Variants in PCDH15 observed in about 807,000 individuals in gnomAD.
PCDH15 encodes the protein protocadherin-15.
In PCDH15, 129 loss-of-function variants were observed where a neutral mutation model predicts 178.5. The observed-to-expected ratio is 0.72, with a 90% CI of 0.63 to 0.84. PCDH15 has a LOEUF of 0.84. Ranked by LOEUF, PCDH15 falls within the 40% of genes least tolerant of loss-of-function variation. PCDH15 has a pLI of 0.00. For missense variants in PCDH15, 2,230 were observed against 2,099.9 expected (o/e 1.06, Z -1.21); for synonymous variants, 800 against 732.0 (o/e 1.09, Z -1.50).
Position 53,806,857 on chromosome 10 carries a change from C to T in PCDH15, c.4945G>A (p.Val1649Ile), listed in dbSNP as rs769769804. The T allele has an allele frequency of 1.3e-4, 204 of 1,613,690 alleles. 1 individual carries two copies. The highest frequency in any genetic ancestry group is 1.7e-4 in the Non-Finnish European group (200 of 1,179,840). ...CCCTTTGATAATGTGTTCAGAGGTA[C>T]ATTCTCCTCATGTGTCACTGCCAAC... ...DKLAVTHEEN[V>I]PLNTLSKGPF... Residue 1649 changes from valine to isoleucine, a missense_variant, in exon 38 of 38, where the codon GTA (valine) becomes ATA (isoleucine). Physicochemically the swap from Val to Ile is conservative, Grantham distance 29. Transcript: ENST00000644397.
intron 8 of PCDH15, among the ~76,000 whole-genome samples, chr10:54,309,905 T>C (rs2060797917): frequency 6.6e-6 from 1 of 152,076 alleles, no homozygotes; most frequent in Admixed American, 6.6e-5. Context: ...AAGAAAAACA[T>C]TCATAGTAAA....
chr10:55,338,223 A>G (rs757321209), intron 2 of PCDH15, among the ~76,000 whole-genome samples: 2 of 152,270 alleles, frequency 1.3e-5, no homozygotes, highest in East Asian at 3.9e-4. Context: ...AGTTAGTACA[A>G]CCACAACAGT....
intron 3 of PCDH15, among the ~76,000 whole-genome samples, chr10:54,894,252 T>C (rs1330596844): frequency 6.6e-6 from 1 of 152,104 alleles, no homozygotes; most frequent in Non-Finnish European, 1.5e-5. Flanking sequence ...TCAGTGCAAT[T>C]AGAAGACAAG....
intron 1 of PCDH15, among the ~76,000 whole-genome samples, chr10:54,774,431 A>T (rs183908904): frequency 2.0e-5 from 3 of 152,302 alleles, no homozygotes; most frequent in Admixed American, 1.3e-4. Context: ...TGAATGAGAT[A>T]CTATGTATCT....
At chr10:55,318,065 G>A (rs554827301) in intron 1 of PCDH15, among the ~76,000 whole-genome samples, 84 of 150,574 alleles carry the variant, frequency 5.6e-4, no homozygotes, top group Non-Finnish European at 5.8e-4. Flanking sequence ...AGTTTAGAGC[G>A]TAAAACAACA....
rs560475729 is a variant in PCDH15, at chr10:55,043,168, A to AT, written c.-80+123407dup. 7.9e-5 allele frequency among the ~76,000 whole-genome samples: 12 copies of AT among 151,804 alleles called. No individual in the cohort carries two copies. In the South Asian group the frequency reaches 1.9e-3, roughly 24 times the overall value. ...TATTTTTTTGGTGAGAGGGAAGTAG[A>AT]TTTTTTTTCTACGTGGAATATTGCA... is the stretch of plus-strand genomic sequence containing the variant. On this transcript the variant is annotated intron_variant, in intron 2 of 5. Coordinates refer to the PCDH15 transcript ENST00000458638.
At chr10:53,869,054 C>A (rs551678282) in intron 26 of PCDH15, among the ~76,000 whole-genome samples, 1 of 152,222 alleles carries the variant, frequency 6.6e-6, no homozygotes. Context: ...GCAATCCTCC[C>A]ATCTTGGCCT....
chr10:55,598,585 A>G (rs2132140479), intron 2 of PCDH15, among the ~76,000 whole-genome samples: 1 of 134,996 alleles, frequency 7.4e-6, no homozygotes, highest in Non-Finnish European at 1.6e-5. Flanking sequence ...ACAAGTATGC[A>G]CTAGGTCAAG....
chr10:55,589,070 AAATTCCGTGTC>A (rs1377752448), intron 2 of PCDH15, among the ~76,000 whole-genome samples: 1 of 147,588 alleles, frequency 6.8e-6, no homozygotes, highest in South Asian at 2.2e-4. Flanking sequence ...AGCAAGAGCA[AAATTCCGTGTC>A]AAAAAAAAAA....
chr10:54,543,617 G>A (rs2085511600), intron 2 of PCDH15, among the ~76,000 whole-genome samples: 1 of 152,082 alleles, frequency 6.6e-6, no homozygotes, highest in Non-Finnish European at 1.5e-5. Context: ...TAATGAACTG[G>A]CCTATGAAAT....
chr10:54,851,721 A>G (rs1953624210), intron 3 of PCDH15, among the ~76,000 whole-genome samples: 1 of 151,962 alleles, frequency 6.6e-6, no homozygotes, highest in Non-Finnish European at 1.5e-5. Context: ...TAGCCTCCCA[A>G]ACTACGCCTG....
At chr10:54,357,695 T>C (rs958162795) in intron 5 of PCDH15, among the ~76,000 whole-genome samples, 2 of 152,058 alleles carry the variant, frequency 1.3e-5, no homozygotes, top group African/African-American at 2.4e-5. Context: ...AAAAAGAGCC[T>C]GCATCGCCAA....
At chr10:55,282,635 T>A (rs753145484) in intron 1 of PCDH15, among the ~76,000 whole-genome samples, 2 of 152,206 alleles carry the variant, frequency 1.3e-5, no homozygotes, top group Non-Finnish European at 2.9e-5. Flanking sequence ...CAGTTTATGT[T>A]TATTTACAAA....
chr10:54,472,401 C>T (rs542610890), intron 3 of PCDH15, among the ~76,000 whole-genome samples: 30 of 151,944 alleles, frequency 2.0e-4, no homozygotes, highest in Admixed American at 5.9e-4. Flanking sequence ...GCAGTTTTAA[C>T]TGAGTGTGAA....
chr10:55,422,213 A>G (rs532725732), intron 2 of PCDH15, among the ~76,000 whole-genome samples: 5 of 151,978 alleles, frequency 3.3e-5, no homozygotes, highest in African/African-American at 1.2e-4. Flanking sequence ...TATAGCCTAT[A>G]AAGTAGATAT....
chr10:54,550,703 T>C (rs1431530994), intron 2 of PCDH15, among the ~76,000 whole-genome samples: 4 of 152,216 alleles, frequency 2.6e-5, no homozygotes, highest in Admixed American at 6.5e-5. Context: ...CAGAGTTTTC[T>C]TCAGGAAATA....
chr10:55,379,208 A>T (rs1484119898), intron 2 of PCDH15, among the ~76,000 whole-genome samples: 1 of 151,894 alleles, frequency 6.6e-6, no homozygotes, highest in Non-Finnish European at 1.5e-5. Context: ...TCCCCTACAG[A>T]TGTAACTGTA....
chr10:53,947,605 T>C (rs1589567606), intron 23 of PCDH15, among the ~76,000 whole-genome samples: 1 of 151,680 alleles, frequency 6.6e-6, no homozygotes, highest in Non-Finnish European at 1.5e-5. Context: ...TTGGAGTAAT[T>C]GCATCAGAGT....
chr10:54,363,428 G>C (rs2134554840), intron 5 of PCDH15, among the ~76,000 whole-genome samples: 1 of 152,190 alleles, frequency 6.6e-6, no homozygotes, highest in East Asian at 1.9e-4. Context: ...TTTCAGGTGA[G>C]AAATCTGAAG....
Sources: gnomAD v4.1 joint callset for allele counts (sites outside exome capture counted in the v4.1 genomes callset) on GRCh38, gnomAD v4.1.1 for gene constraint, MANE v1.5 for transcripts, NCBI Gene and HGNC (gene_info 2026-07-23, HGNC 2026-07-21) for gene names.